The following NCKAP5 variants were observed in gnomAD, a reference collection of about 807,000 sequenced individuals.
The protein encoded by NCKAP5 is nck-associated protein 5.
In NCKAP5, 92 loss-of-function variants were observed where a neutral mutation model predicts 167.0. That is an observed-to-expected ratio of 0.55 (90% CI 0.47 to 0.66). The LOEUF is 0.66. Ranked by LOEUF, NCKAP5 falls within the 30% of genes least tolerant of loss-of-function variation. The probability of loss-of-function intolerance (pLI) is 0.00; values close to 1 mark genes in which losing one functional copy is unlikely to be tolerated. For missense variants in NCKAP5, 2,378 were observed against 2,315.0 expected (o/e 1.03, Z -0.56); for synonymous variants, 891 against 877.4 (o/e 1.02, Z -0.27).
intron 3 of NCKAP5, among the ~76,000 whole-genome samples, chr2:133,353,490 G>A (rs1022203268): frequency 1.3e-5 from 2 of 152,134 alleles, no homozygotes; most frequent in African/African-American, 2.4e-5. Context: ...ACAGGAGACA[G>A]GGAAATGCTG....
intron 5 of NCKAP5, among the ~76,000 whole-genome samples, chr2:133,155,672 T>A (rs1285763847): frequency 6.6e-6 from 1 of 152,204 alleles, no homozygotes; most frequent in Non-Finnish European, 1.5e-5. Context: ...ACTTGTAGAC[T>A]TTGAGTAAAG....
intron 11 of NCKAP5, among the ~76,000 whole-genome samples, chr2:132,804,558 G>A (rs1422605110): frequency 6.6e-6 from 1 of 151,814 alleles, no homozygotes; most frequent in East Asian, 1.9e-4. Context: ...GGATTAGTTA[G>A]TGGAGAAAAA....
the NCKAP5 span, among the ~76,000 whole-genome samples, chr2:133,615,792 C>T: frequency 1.3e-5 from 2 of 152,216 alleles, no homozygotes; most frequent in African/African-American, 4.8e-5. Context: ...AGCTCTGCAC[C>T]AAGTGGAACT....
Position 132,907,689 on chromosome 2 carries a change from G to A in NCKAP5, c.580-28773C>T, listed in dbSNP as rs189199888. Among the ~76,000 whole-genome samples the A allele has an allele frequency of 4.3e-4, 65 of 151,802 alleles. No homozygotes were observed. In the Middle Eastern group the frequency reaches 0.017, roughly 40 times the overall value. On this transcript the variant is annotated intron_variant, in intron 8 of 19. Coordinates refer to ENST00000409261, the MANE Select transcript of NCKAP5 (RefSeq NM_207363.3). ...TTCTTTTTTTTTGAGAAGGAGTCTC[G>A]CTGTGTTGCCCAGGCTGGAGTTCAG...
At chr2:133,036,081 A>G (rs1401043019) in intron 6 of NCKAP5, among the ~76,000 whole-genome samples, 2 of 151,974 alleles carry the variant, frequency 1.3e-5, no homozygotes, top group African/African-American at 4.8e-5. Flanking sequence ...TCTAGAAGAA[A>G]TGGAAAAATT....
Position 133,498,600 on chromosome 2 carries a change from A to T in NCKAP5, c.69+18858T>A, listed in dbSNP as rs1028217140. Among the ~76,000 whole-genome samples, 5 of 151,868 alleles carry T rather than the reference A, an allele frequency of 3.3e-5. No homozygotes were observed. In the East Asian group the frequency reaches 9.7e-4, roughly 29 times the overall value. ...GGTAGGGAGACAGGGAGAAGGGAAA[A>T]ATGGGAAAAAAGAAAAGATAAATAT... On this transcript the variant is annotated intron_variant, in intron 3 of 19. Transcript: ENST00000409261.
chr2:133,483,101 CCTT>C (rs1172218203), intron 3 of NCKAP5, among the ~76,000 whole-genome samples: 17 of 152,090 alleles, frequency 1.1e-4, no homozygotes, highest in Admixed American at 7.2e-4. Context: ...TAGCTATTGT[CCTT>C]CTTCTTATCT....
chr2:133,258,076 G>C (rs1036380467), intron 4 of NCKAP5, among the ~76,000 whole-genome samples: 6 of 152,094 alleles, frequency 3.9e-5, no homozygotes, highest in African/African-American at 1.4e-4. Flanking sequence ...GAATTAGCTG[G>C]GTTGCGTTTT....
chr2:132,933,132 A>G (rs550167163), intron 8 of NCKAP5, among the ~76,000 whole-genome samples: 6 of 151,980 alleles, frequency 3.9e-5, no homozygotes, highest in Non-Finnish European at 5.9e-5. Flanking sequence ...TCACCGTGTT[A>G]GCCAGGATGG....
chr2:133,084,138 TCA>T (rs1282914988), intron 6 of NCKAP5, among the ~76,000 whole-genome samples: 1 of 152,068 alleles, frequency 6.6e-6, no homozygotes, highest in African/African-American at 2.4e-5. Context: ...TTTGGAGAAC[TCA>T]CACATTATCC....
Position 133,449,511 on chromosome 2 carries a change from T to C in NCKAP5, c.69+67947A>G, listed in dbSNP as rs192777057. Among the ~76,000 whole-genome samples, 35 of 152,356 alleles carry C rather than the reference T, an allele frequency of 2.3e-4. No individual in the cohort carries two copies. The East Asian group carries it at 6.4e-3, about 28-fold the overall frequency. On this transcript the variant is annotated intron_variant, in intron 3 of 19. Transcript: ENST00000409261. ...CTAAAATGGGAATACTAAAATCAGA[T>C]ATCTCTGAAATTCGAAATAGTTGGA...
intron 6 of NCKAP5, among the ~76,000 whole-genome samples, chr2:133,002,913 G>A (rs1337087710): frequency 6.6e-6 from 1 of 152,180 alleles, no homozygotes; most frequent in South Asian, 2.1e-4. Flanking sequence ...CATGCGACTA[G>A]TCAGAGAAGT....
chr2:133,444,957 A>C (rs1188043712), intron 3 of NCKAP5, among the ~76,000 whole-genome samples: 1 of 152,246 alleles, frequency 6.6e-6, no homozygotes, highest in Admixed American at 6.5e-5. Flanking sequence ...TGAAGAGGCC[A>C]GAATAGATAC....
chr2:133,618,466 CA>C, the NCKAP5 span, among the ~76,000 whole-genome samples: 2 of 149,530 alleles, frequency 1.3e-5, no homozygotes, highest in South Asian at 2.1e-4. Context: ...AAGAAAAAAA[CA>C]AACAACCCCA....
In NCKAP5 at chr2:133,245,895, GGAAAAA is replaced by G. The variant is rs367573339; in HGVS notation, c.144-32122_144-32117del. 1.1e-3 allele frequency among the ~76,000 whole-genome samples: 126 copies of G among 112,636 alleles called. 1 individual carries two copies. The highest frequency in any genetic ancestry group is 3.4e-3 in the Admixed American group (36 of 10,518). The allele number at this position is 112,636 out of a possible 152,430, so 73.9% of individuals were successfully genotyped here. A position where few individuals can be genotyped will look rare whatever the true frequency, so the allele number is the denominator to read the frequency against. On this transcript the variant is annotated intron_variant, in intron 4 of 19. Coordinates refer to ENST00000409261, the MANE Select transcript of NCKAP5 (RefSeq NM_207363.3). ...AAAAAGGATTTTTTTGATTTGATCAGGAAAAAAAAAAAAAAAAAAATGGAGGTGGGG... is the reference window on the plus strand; with the variant it reads ...AAAAAGGATTTTTTTGATTTGATCAGAAAAAAAAAAAAAATGGAGGTGGGG...
chr2:133,649,973 A>T, the NCKAP5 span, among the ~76,000 whole-genome samples: 2 of 152,178 alleles, frequency 1.3e-5, no homozygotes, highest in Admixed American at 1.3e-4. Context: ...TCCACCAAAA[A>T]AAATAAATAA....
intron 5 of NCKAP5, among the ~76,000 whole-genome samples, chr2:133,140,169 G>A (rs980143773): frequency 6.6e-6 from 1 of 152,188 alleles, no homozygotes; most frequent in Non-Finnish European, 1.5e-5. Context: ...GTTTTCAGAA[G>A]TTGATTTTAT....
intron 3 of NCKAP5, among the ~76,000 whole-genome samples, chr2:133,378,336 A>G (rs1351771063): frequency 6.6e-6 from 1 of 152,202 alleles, no homozygotes; most frequent in Non-Finnish European, 1.5e-5. Flanking sequence ...ACTCTGAAAA[A>G]AACGTATATA....
intron 3 of NCKAP5, among the ~76,000 whole-genome samples, chr2:133,476,420 G>C (rs975296072): frequency 1.3e-5 from 2 of 151,984 alleles, no homozygotes; most frequent in African/African-American, 4.8e-5. Context: ...AATTCTAATC[G>C]GGCTGCCCTC....
Sources: allele counts gnomAD v4.1 joint callset (sites outside exome capture counted in the v4.1 genomes callset), GRCh38; gene constraint gnomAD v4.1.1; transcripts MANE v1.5; gene names NCBI Gene and HGNC (gene_info 2026-07-23, HGNC 2026-07-21).